ACSM1: variants seen among roughly 807,000 people sequenced by gnomAD.
ACSM1 encodes acyl-coenzyme A synthetase ACSM1, mitochondrial.
In ACSM1, 79 loss-of-function variants were observed where a neutral mutation model predicts 75.8. That is an observed-to-expected ratio of 1.04 (90% CI 0.87 to 1.26). The LOEUF is 1.26. Ranked by LOEUF, ACSM1 falls within the 50% of genes most tolerant of loss-of-function variation. The pLI, the probability that ACSM1 is intolerant of heterozygous loss-of-function variation, is 0.00. For missense variants in ACSM1, 676 were observed against 720.1 expected, an observed-to-expected ratio of 0.94 and a Z score of 0.70; for synonymous variants, 279 against 265.8, an observed-to-expected ratio of 1.05 and a Z score of -0.48.
At chr16:20,686,014 G>A (rs146501853) in intron 2 of ACSM1, among the ~76,000 whole-genome samples, 181 of 151,982 alleles carry the variant, frequency 1.2e-3, no homozygotes, top group African/African-American at 4.1e-3. Flanking sequence ...TATGGACTGT[G>A]CATTCTTCTC....
At chr16:20,659,289 G>A (rs1236061546) in intron 7 of ACSM1, among the ~76,000 whole-genome samples, 1 of 152,138 alleles carries the variant, frequency 6.6e-6, no homozygotes, top group South Asian at 2.1e-4. Flanking sequence ...CCTGCCAGAT[G>A]GCCAAATCAG....
intron 2 of ACSM1, among the ~76,000 whole-genome samples, chr16:20,686,978 AT>A (rs34041438): frequency 0.023 from 3,078 of 135,944 alleles, 104 homozygotes; most frequent in Admixed American, 0.075. Flanking sequence ...AAATTTTGTG[AT>A]TTTTTTTTTT....
intron 7 of ACSM1, among the ~76,000 whole-genome samples, chr16:20,646,266 T>C (rs1195172782): frequency 6.6e-6 from 1 of 152,170 alleles, no homozygotes; most frequent in Non-Finnish European, 1.5e-5. Flanking sequence ...AAAGATTGTC[T>C]GAATAGAAAT....
chr16:20,686,855 G>T (rs903302116), intron 2 of ACSM1, among the ~76,000 whole-genome samples: 1 of 151,734 alleles, frequency 6.6e-6, no homozygotes, highest in Non-Finnish European at 1.5e-5. Flanking sequence ...CATGTTAATT[G>T]GTATGACTGC....
rs1023729326 is a variant in ACSM1, at chr16:20,623,947, T to C, written c.1647+149A>G. The C allele has an allele frequency of 1.8e-5, 22 of 1,229,518 alleles. No individual in the cohort carries two copies. The African/African-American group carries it at 3.2e-4, about 18-fold the overall frequency. The allele number at this position is 1,229,518 out of a possible 1,614,324, so 76.2% of individuals were successfully genotyped here. On this transcript the variant is annotated intron_variant, in intron 13 of 13. Coordinates refer to ENST00000520010, the MANE Select transcript of ACSM1 (RefSeq NM_001318890.3). ...TGGAGGGCAGGGCCAAGGAGAGCCA[T>C]GGAGGACATGAGGCATGAGCAGAAA...
At chr16:20,637,154 T>A in intron 9 of ACSM1, 1 of 761,598 alleles carries the variant, frequency 1.3e-6, no homozygotes, top group Non-Finnish European at 2.4e-6. Flanking sequence ...TCCTACCTAC[T>A]GTGTGTGATG....
chr16:20,627,105 A>G (rs1274687978), intron 11 of ACSM1, 84 bp downstream of exon 11: 1 of 1,443,330 alleles, frequency 6.9e-7, no homozygotes, highest in South Asian at 1.7e-5. Flanking sequence ...AATTTCACCA[A>G]TGCGTGAAAA....
chr16:20,628,078 T>C (rs939652831), intron 10 of ACSM1, among the ~76,000 whole-genome samples: 2 of 151,672 alleles, frequency 1.3e-5, no homozygotes, highest in African/African-American at 4.8e-5. Flanking sequence ...CTATCTCATT[T>C]CATCCTCACA....
intron 10 of ACSM1, among the ~76,000 whole-genome samples, chr16:20,631,337 T>G (rs1211801664): frequency 2.6e-5 from 4 of 152,180 alleles, no homozygotes; most frequent in Non-Finnish European, 5.9e-5. Flanking sequence ...ATTACCTTAC[T>G]CCTGCAAAAA....
chr16:20,692,452 G>A lies in ACSM1; in HGVS notation c.-51-1213C>T, dbSNP rs896644753. Among the ~76,000 whole-genome samples the A allele has an allele frequency of 2.6e-5, 4 of 152,286 alleles. No homozygotes were observed. In the East Asian group the frequency reaches 7.7e-4, roughly 29 times the overall value. On this transcript the variant is annotated intron_variant, in intron 1 of 13. Coordinates refer to ENST00000520010, the MANE Select transcript of ACSM1 (RefSeq NM_001318890.3). Reference sequence around the variant, plus strand: ...TTTATTTGAAGACCTGGGATTAATGGCAAGGAATGTTCAGGTTAAGGTAAA... The same window carrying A: ...TTTATTTGAAGACCTGGGATTAATGACAAGGAATGTTCAGGTTAAGGTAAA...
chr16:20,625,583 T>G (rs2016876704), intron 11 of ACSM1, 61 bp from the exon 12 acceptor site: 1 of 1,484,258 alleles, frequency 6.7e-7, no homozygotes, highest in African/African-American at 1.4e-5. Context: ...TCCCCAGATC[T>G]CCTGCTTTGG....
chr16:20,690,814 G>A (rs1307127107), intron 2 of ACSM1, among the ~76,000 whole-genome samples, 183 bp downstream of exon 2: 1 of 152,122 alleles, frequency 6.6e-6, no homozygotes, highest in East Asian at 1.9e-4. Flanking sequence ...AAACCACTGA[G>A]GCTCAATGAA....
At chr16:20,685,840 A>AC (rs2079543137) in intron 2 of ACSM1, among the ~76,000 whole-genome samples, 1 of 123,596 alleles carries the variant, frequency 8.1e-6, no homozygotes, top group African/African-American at 2.6e-5. Context: ...AACAAACAAA[A>AC]AAAAAACAAA....
chr16:20,693,385 C>A (rs1471936075), intron 1 of ACSM1, among the ~76,000 whole-genome samples: 1 of 152,080 alleles, frequency 6.6e-6, no homozygotes, highest in South Asian at 2.1e-4. Flanking sequence ...TTATTAGGAT[C>A]CTTCTTGAAG....
chr16:20,638,392 C>T (rs1460579061), intron 8 of ACSM1, among the ~76,000 whole-genome samples: 1 of 152,224 alleles, frequency 6.6e-6, no homozygotes, highest in African/African-American at 2.4e-5. Context: ...ACTTCCATTG[C>T]AGCCCACAGG....
chr16:20,633,533 T>G (rs2017475909), intron 10 of ACSM1, among the ~76,000 whole-genome samples: 1 of 152,148 alleles, frequency 6.6e-6, no homozygotes, highest in Non-Finnish European at 1.5e-5. Flanking sequence ...AAAGAAGAGA[T>G]AAGTAAATGA....
intron 4 of ACSM1, among the ~76,000 whole-genome samples, chr16:20,672,949 A>G (rs1316121647): frequency 2.1e-5 from 3 of 140,182 alleles, no homozygotes; most frequent in Non-Finnish European, 4.6e-5. Context: ...AAACATTTAT[A>G]TATTATATCT....
At chr16:20,655,435 G>T (rs2018906053) in intron 7 of ACSM1, among the ~76,000 whole-genome samples, 1 of 151,502 alleles carries the variant, frequency 6.6e-6, no homozygotes, top group Admixed American at 6.6e-5. Flanking sequence ...AAGAAAGAGG[G>T]ATATTTAAGA....
chr16:20,690,202 C>G (rs766693779), intron 2 of ACSM1, among the ~76,000 whole-genome samples: 2 of 152,182 alleles, frequency 1.3e-5, no homozygotes, highest in South Asian at 2.1e-4. Context: ...TATATTAACT[C>G]TCCAATTCCA....
Sources: gnomAD v4.1 joint callset for allele counts (sites outside exome capture counted in the v4.1 genomes callset) on GRCh38, gnomAD v4.1.1 for gene constraint, MANE v1.5 for transcripts, NCBI Gene and HGNC (gene_info 2026-07-23, HGNC 2026-07-21) for gene names.